The following STK32B variants were observed in gnomAD, a reference collection of about 807,000 sequenced individuals.
STK32B encodes the protein serine/threonine kinase 32B, also known as serine/threonine-protein kinase 32B.
In STK32B, 43 loss-of-function variants were observed where a neutral mutation model predicts 52.6. The observed-to-expected ratio is 0.82, with a 90% CI of 0.64 to 1.05. The LOEUF is 1.05. Among genes scored for constraint, STK32B ranks in the 50% least tolerant of loss-of-function variants. The pLI is 0.00. For synonymous variants in STK32B, 238 were observed against 204.3 expected, an observed-to-expected ratio of 1.17 and a Z score of -1.41; for missense variants, 621 against 534.6, an observed-to-expected ratio of 1.16 and a Z score of -1.59.
chr4:5,176,211 T>C (rs1176956287), intron 3 of STK32B, among the ~76,000 whole-genome samples: 2 of 152,154 alleles, frequency 1.3e-5, no homozygotes, highest in African/African-American at 4.8e-5. Context: ...CCCCTTTCTT[T>C]GTCTGGGAAA....
At chr4:5,049,743 CA>C (rs10616424), upstream of STK32B, among the ~76,000 whole-genome samples, 31 of 27,590 alleles carry the variant, frequency 1.1e-3, no homozygotes, top group Middle Eastern at 0.012. Context: ...CTGGCAATCA[CA>C]CCCAGCTAAG....
chr4:5,407,436 T>C (rs954481998), intron 5 of STK32B, among the ~76,000 whole-genome samples: 1 of 152,118 alleles, frequency 6.6e-6, no homozygotes, highest in African/African-American at 2.4e-5. Context: ...TTTATAGCAG[T>C]GTCCCACTAC....
intron 1 of STK32B, among the ~76,000 whole-genome samples, chr4:5,091,072 A>T (rs551134217): frequency 2.0e-5 from 3 of 152,306 alleles, no homozygotes; most frequent in African/African-American, 7.2e-5. Flanking sequence ...TCGTTCTCAA[A>T]TTCGTTGAAA....
Position 5,182,815 on chromosome 4 carries a change from T to A in STK32B, c.260+14365T>A, listed in dbSNP as rs549165484. Among the ~76,000 whole-genome samples the A allele has an allele frequency of 2.0e-5, 3 of 149,456 alleles. No individual in the cohort carries two copies. In the East Asian group the frequency reaches 6.1e-4, roughly 30 times the overall value. ...AAGGTCAAGATTACTCCTTGATCCA[T>A]GGGCTGCAGGATAGATGTTATGTTA... is the stretch of plus-strand genomic sequence containing the variant. On this transcript the variant is annotated intron_variant, in intron 3 of 11. Transcript: ENST00000282908.
intron 1 of STK32B, among the ~76,000 whole-genome samples, chr4:5,121,042 A>G (rs1221101296): frequency 6.6e-6 from 1 of 152,104 alleles, no homozygotes; most frequent in African/African-American, 2.4e-5. Context: ...AGCAGTGTAC[A>G]TTCAATCTAG....
At chr4:5,116,213 A>G (rs1340016307) in intron 1 of STK32B, among the ~76,000 whole-genome samples, 1 of 150,014 alleles carries the variant, frequency 6.7e-6, no homozygotes, top group African/African-American at 2.5e-5. Context: ...CACACGGGAT[A>G]TTTTCCTACA....
chr4:5,103,846 A>G (rs1359510306), intron 1 of STK32B, among the ~76,000 whole-genome samples: 1 of 152,160 alleles, frequency 6.6e-6, no homozygotes, highest in Non-Finnish European at 1.5e-5. Context: ...CATATTTTTA[A>G]AATTGCATTT....
intron 1 of STK32B, among the ~76,000 whole-genome samples, chr4:5,076,361 G>C (rs1712074861): frequency 1.3e-5 from 2 of 151,962 alleles, no homozygotes; most frequent in African/African-American, 4.8e-5. Context: ...CCTATTTTGG[G>C]GGCATTTAGC....
intron 2 of STK32B, among the ~76,000 whole-genome samples, chr4:5,152,023 C>G (rs6823878): frequency 0.78 from 118,964 of 152,166 alleles, 46,605 homozygotes; most frequent in East Asian, 0.93. Flanking sequence ...TCCAAGGTGT[C>G]GCCATGTGAT....
In STK32B at chr4:5,395,705, C is replaced by G. The variant is rs1483851124; in HGVS notation, c.435-2502C>G. ...TTCCACTCTGTGCTAAGAGCCAACACAGAAGCAATGTGTGTTATGTATCAG... is the reference window on the plus strand; with the variant it reads ...TTCCACTCTGTGCTAAGAGCCAACAGAGAAGCAATGTGTGTTATGTATCAG... On this transcript the variant is annotated intron_variant, in intron 4 of 11. Coordinates refer to ENST00000282908, the MANE Select transcript of STK32B (RefSeq NM_018401.3). This position sits in a 1 kb window ranked among gnomAD's most constrained non-coding sequence, Gnocchi z 4.4. 1.3e-5 allele frequency among the ~76,000 whole-genome samples: 2 copies of G among 152,206 alleles called. No individual in the cohort carries two copies. The highest frequency in any genetic ancestry group is 2.9e-5 in the Non-Finnish European group (2 of 68,040).
chr4:5,330,179 C>T (rs1365742666), intron 3 of STK32B, among the ~76,000 whole-genome samples: 8 of 152,254 alleles, frequency 5.3e-5, no homozygotes, highest in South Asian at 2.1e-4. Context: ...CTTGCTGATT[C>T]GGTCTAATAT....
intron 1 of STK32B, chr4:5,139,624 G>C (rs1716282987): frequency 4.7e-6 from 2 of 427,324 alleles, no homozygotes; most frequent in Non-Finnish European, 8.6e-6. Context: ...GTAGAAGCCA[G>C]GCAGAAGTGG....
chr4:5,200,624 G>A (rs1722066078), intron 3 of STK32B, among the ~76,000 whole-genome samples: 1 of 152,090 alleles, frequency 6.6e-6, no homozygotes, highest in South Asian at 2.1e-4. Flanking sequence ...CCAAAAGCAG[G>A]TTTGAAAAAC....
At chr4:5,468,144 G>T in intron 11 of STK32B, 74 bp downstream of exon 11, 1 of 1,506,876 alleles carries the variant, frequency 6.6e-7, no homozygotes, top group South Asian at 1.1e-5. Context: ...CAGAATCACA[G>T]TCCCTGCCCC....
At chr4:5,272,399 C>T (rs1458243896) in intron 3 of STK32B, among the ~76,000 whole-genome samples, 5 of 143,230 alleles carry the variant, frequency 3.5e-5, no homozygotes, top group South Asian at 2.4e-4. Context: ...CTGCTGGATT[C>T]GGTTTGCCAG....
At chr4:5,464,004 C>A (rs367921075) in intron 9 of STK32B, among the ~76,000 whole-genome samples, 1 of 152,178 alleles carries the variant, frequency 6.6e-6, no homozygotes, top group Non-Finnish European at 1.5e-5. Flanking sequence ...AAGCATGGCA[C>A]CTGCATCAGC....
intron 1 of STK32B, among the ~76,000 whole-genome samples, chr4:5,136,440 A>G (rs1472560778): frequency 1.3e-5 from 2 of 152,136 alleles, no homozygotes; most frequent in African/African-American, 2.4e-5. Flanking sequence ...TTCACCTCCA[A>G]TCCGATCACT....
intron 3 of STK32B, among the ~76,000 whole-genome samples, chr4:5,292,521 T>G (rs1728953583): frequency 6.6e-6 from 1 of 152,104 alleles, no homozygotes; most frequent in African/African-American, 2.4e-5. Flanking sequence ...TTTCAGTTCC[T>G]TATAGATTCT....
intron 5 of STK32B, among the ~76,000 whole-genome samples, chr4:5,408,677 A>G (rs1429192304): frequency 6.6e-6 from 1 of 152,178 alleles, no homozygotes; most frequent in East Asian, 1.9e-4. Flanking sequence ...GCCTGGTAAG[A>G]ATAATCTTAA....
Sources: gnomAD v4.1 joint callset for allele counts (sites outside exome capture counted in the v4.1 genomes callset) on GRCh38, gnomAD v4.1.1 for gene constraint, Gnocchi (gnomAD v3.1) non-coding constraint, MANE v1.5 for transcripts, NCBI Gene and HGNC (gene_info 2026-07-23, HGNC 2026-07-21) for gene names.